ARHGEF40: variants seen among roughly 807,000 people sequenced by gnomAD.
ARHGEF40 encodes Rho guanine nucleotide exchange factor (GEF) 40.
ARHGEF40 carries 98 observed loss-of-function variants against 165.9 expected under a neutral mutation model. The ratio of observed to expected loss-of-function variants is 0.59; its 90% CI spans 0.50 to 0.70. The LOEUF is 0.70. ARHGEF40 is among the 30% of genes least tolerant of loss of function. The probability of loss-of-function intolerance (pLI) is 0.00; values close to 1 mark genes in which losing one functional copy is unlikely to be tolerated. For missense variants in ARHGEF40, 1,815 were observed against 1,968.0 expected, an observed-to-expected ratio of 0.92 and a Z score of 1.47; for synonymous variants, 792 against 814.3, an observed-to-expected ratio of 0.97 and a Z score of 0.47.
chr14:21,086,834 T>C (rs533656376), intron 19 of ARHGEF40, 167 bp from the exon 20 acceptor site: 2 of 592,698 alleles, frequency 3.4e-6, no homozygotes, highest in Admixed American at 3.0e-5. Context: ...CCATCCATGT[T>C]GTGATAGTCA....
upstream of ARHGEF40, among the ~76,000 whole-genome samples, chr14:21,069,515 A>C (rs1215376563): frequency 6.6e-6 from 1 of 152,182 alleles, no homozygotes; most frequent in Non-Finnish European, 1.5e-5. Flanking sequence ...AACTCAGAAA[A>C]TGTCCGGCGA....
In ARHGEF40 at chr14:21,074,756, A is replaced by T; in HGVS notation, c.1026A>T (p.Gly342=). ...CTGAGCCCCCAGCAGAGGCTGTGGG[A>T]GAAGCCTCCGGATCTTGCCCCCTGA... ...EVSEPPAEAV[G]EASGSCPLRP... The change falls in exon 3 of 24, where the codon GGA becomes GGT. Residue 342 remains glycine, a synonymous_variant. Coordinates refer to ENST00000298694, the MANE Select transcript of ARHGEF40 (RefSeq NM_018071.5). The surrounding 1 kb of genome is among the most constrained non-coding windows in gnomAD (Gnocchi z 4.8). 1 of 1,609,804 alleles carries T rather than the reference A, an allele frequency of 6.2e-7. No homozygotes were observed. The highest frequency in any genetic ancestry group is 1.1e-5 in the South Asian group (1 of 90,808).
intron 13 of ARHGEF40, 196 bp downstream of exon 13, chr14:21,081,212 A>G (rs1594569515): frequency 2.2e-6 from 2 of 920,516 alleles, no homozygotes; most frequent in East Asian, 2.7e-5. Context: ...CCATAGATCT[A>G]CCTCACAGGG....
chr14:21,087,831 C>T, intron 21 of ARHGEF40, 137 bp from the exon 22 acceptor site: 1 of 1,193,902 alleles, frequency 8.4e-7, no homozygotes, highest in Non-Finnish European at 1.2e-6. Flanking sequence ...TAGGGGGTTC[C>T]CTTGCAACTG....
Position 21,075,665 on chromosome 14 carries a change from C to T in ARHGEF40, c.1639C>T (p.Arg547Ter), listed in dbSNP as rs1388316393. 5 of 1,613,944 alleles carry T rather than the reference C, an allele frequency of 3.1e-6. No individual in the cohort carries two copies. The highest frequency in any genetic ancestry group is 4.2e-6 in the Non-Finnish European group (5 of 1,179,980). ...TTCAGGAGGGGTGGACCAGAGTGGG[C>T]GAGCTCTGCTGACCATTACCCCACC... ...ILTGGVDQSG[R>*]ALLTITPPCP... The change falls in exon 5 of 24, where the codon CGA (arginine) becomes TGA (stop). Residue 547 changes from arginine (R) to a stop codon, truncating the protein, a stop_gained. Coordinates refer to ENST00000298694, the MANE Select transcript of ARHGEF40 (RefSeq NM_018071.5). LOFTEE classifies it high-confidence loss of function. This position sits in a 1 kb window ranked among gnomAD's most constrained non-coding sequence, Gnocchi z 4.5.
chr14:21,080,822 G>A (rs776488472), intron 12 of ARHGEF40, 40 bp downstream of exon 12: 10 of 1,603,628 alleles, frequency 6.2e-6, no homozygotes. Flanking sequence ...GAGGCAGGGG[G>A]AGACTACCTA....
chr14:21,070,310 G>C lies in ARHGEF40; in HGVS notation c.-87G>C, dbSNP rs1026561734. On this transcript the variant is annotated 5_prime_UTR_variant, in exon 1 of 24. Coordinates refer to ENST00000298694, the MANE Select transcript of ARHGEF40 (RefSeq NM_018071.5). The surrounding 1 kb of genome is among the most constrained non-coding windows in gnomAD (Gnocchi z 4.7). The stretch of plus-strand genomic sequence containing the variant: ...CCGGAGCTGTCCCTTAGCCAGACCC[G>C]GCGAGACACGAGCGGCGGGAGGGAG... 3 of 1,369,636 alleles carry C rather than the reference G, an allele frequency of 2.2e-6. No homozygotes were observed. The highest frequency in any genetic ancestry group is 2.8e-6 in the Non-Finnish European group (3 of 1,060,344). 84.8% of individuals were successfully genotyped at this position (1,369,636 alleles called of 1,614,324 possible). A position where few individuals can be genotyped will look rare whatever the true frequency, so the allele number is the denominator to read the frequency against.
At position 21,082,544 on chromosome 14, in the gene ARHGEF40, C is replaced by T. The variant is rs555286821; in HGVS notation, c.3486+66C>T. 30 of 1,469,862 alleles carry T rather than the reference C, an allele frequency of 2.0e-5. No homozygotes were observed. The South Asian group carries it at 3.9e-4, about 19-fold the overall frequency. The allele number at this position is 1,469,862 out of a possible 1,614,324, so 91.1% of individuals were successfully genotyped here. ...TCTGTTCCAGCCTCATCCATCTGTC[C>T]CTCTTTCTCAGTACCCACGGCCCTC... On this transcript the variant is annotated intron_variant, in intron 15 of 23. Transcript: ENST00000298694.
rs1289651857 is a variant in ARHGEF40, at chr14:21,074,269, A to G, written c.539A>G (p.Glu180Gly). 6.2e-7 allele frequency: 1 copy of G among 1,613,988 alleles called. No individual in the cohort carries two copies. Among genetic ancestry groups the G allele is most frequent in the African/African-American group, 1.3e-5 (1 of 74,926 alleles). Reference sequence around the variant, plus strand: ...GGGATTCAGCGGCTGCCCTGGGCTGAGCTCATCTGTCCACGATTTGTGCAC... The same window carrying G: ...GGGATTCAGCGGCTGCCCTGGGCTGGGCTCATCTGTCCACGATTTGTGCAC... Reference protein sequence around the residue: ...PSGIQRLPWAELICPRFVHKE... With the variant: ...PSGIQRLPWAGLICPRFVHKE... The change falls in exon 3 of 24, where the codon GAG (glutamate) becomes GGG (glycine). Residue 180 changes from glutamate (E) to glycine (G), a missense_variant. Physicochemically the swap from Glu to Gly is moderately conservative, Grantham distance 98. Transcript: ENST00000298694. This position sits in a 1 kb window ranked among gnomAD's most constrained non-coding sequence, Gnocchi z 4.8.
chr14:21,070,798 G>C lies in ARHGEF40; in HGVS notation c.3+399G>C, dbSNP rs746624904. ...TTGGTCCTGCAGCGACCCTGGAAGAGGCCCGGCCCCTCGGGTCATGAGAAC... is the reference window on the plus strand; with the variant it reads ...TTGGTCCTGCAGCGACCCTGGAAGACGCCCGGCCCCTCGGGTCATGAGAAC... On this transcript the variant is annotated intron_variant, in intron 1 of 23. Coordinates refer to ENST00000298694, the MANE Select transcript of ARHGEF40 (RefSeq NM_018071.5). This position sits in a 1 kb window ranked among gnomAD's most constrained non-coding sequence, Gnocchi z 4.7. 4.6e-6 allele frequency: 7 copies of C among 1,535,082 alleles called. No individual in the cohort carries two copies. The South Asian group carries it at 8.3e-5, about 18-fold the overall frequency.
At chr14:21,087,505 T>C (rs1888454560) in intron 21 of ARHGEF40, 42 bp downstream of exon 21, 2 of 1,592,162 alleles carry the variant, frequency 1.3e-6, no homozygotes, top group East Asian at 4.5e-5. Flanking sequence ...AGCTCGGTCA[T>C]GGTGGTGATG....
chr14:21,068,613 A>T (rs565469310), upstream of ARHGEF40, among the ~76,000 whole-genome samples: 14 of 152,218 alleles, frequency 9.2e-5, no homozygotes, highest in Middle Eastern at 6.8e-3. Context: ...CGGAATGGAC[A>T]CCAGGGGGTA....
chr14:21,078,079 C>T (rs1887567716), intron 8 of ARHGEF40, 98 bp from the exon 9 acceptor site: 1 of 1,061,672 alleles, frequency 9.4e-7, no homozygotes, highest in South Asian at 1.8e-5. Flanking sequence ...TCAGCATTGC[C>T]TCCATAAAAG....
intron 10 of ARHGEF40, 86 bp from the exon 11 acceptor site, chr14:21,078,798 A>G (rs965436559): frequency 1.3e-6 from 2 of 1,536,698 alleles, no homozygotes; most frequent in Non-Finnish European, 1.8e-6. Context: ...GCAACCTCTC[A>G]TGTTTGCATC....
chr14:21,083,892 C>G lies in ARHGEF40; in HGVS notation c.3631C>G (p.Leu1211Val). Residue 1211 changes from leucine to valine, a missense_variant, in exon 17 of 24, where the codon CTG becomes GTG. Coordinates refer to ENST00000298694, the MANE Select transcript of ARHGEF40 (RefSeq NM_018071.5). ...AGCCCTGCAGCAGCCTCTGGAACAG[C>G]TGACTCGGTATGGGCGGCTCCTGGA... ...PRALQQPLEQ[L>V]TRYGRLLEEL... 5.0e-6 allele frequency: 8 copies of G among 1,614,106 alleles called. No individual in the cohort carries two copies. Among genetic ancestry groups the G allele is most frequent in the Non-Finnish European group, 6.8e-6 (8 of 1,180,034 alleles).
intron 8 of ARHGEF40, among the ~76,000 whole-genome samples, chr14:21,077,354 A>G (rs1157231282): frequency 1.4e-5 from 2 of 139,054 alleles, no homozygotes; most frequent in African/African-American, 2.7e-5. Flanking sequence ...CCTGGACTCC[A>G]GTGATCCACC....
At chr14:21,078,101 A>T (rs1698797160) in intron 8 of ARHGEF40, 76 bp from the exon 9 acceptor site, 8 of 1,343,340 alleles carry the variant, frequency 6.0e-6, no homozygotes. Flanking sequence ...CTCTGGGGCT[A>T]CCGCACCCCA....
At chr14:21,086,029 G>A in intron 19 of ARHGEF40, 163 bp downstream of exon 19, 2 of 898,164 alleles carry the variant, frequency 2.2e-6, no homozygotes, top group Non-Finnish European at 3.3e-6. Context: ...AAGTAGAAAT[G>A]AGCCTAAGAT....
Position 21,073,381 on chromosome 14 carries a change from T to C in ARHGEF40, c.201+139T>C. 9.9e-7 allele frequency: 1 copy of C among 1,007,304 alleles called. No homozygotes were observed. Among genetic ancestry groups the C allele is most frequent in the Non-Finnish European group, 1.4e-6 (1 of 699,418 alleles). The allele number at this position is 1,007,304 out of a possible 1,614,324, so 62.4% of individuals were successfully genotyped here. A position where few individuals can be genotyped will look rare whatever the true frequency, so the allele number is the denominator to read the frequency against. On this transcript the variant is annotated intron_variant, in intron 2 of 23. Coordinates refer to ENST00000298694, the MANE Select transcript of ARHGEF40 (RefSeq NM_018071.5). This position sits in a 1 kb window ranked among gnomAD's most constrained non-coding sequence, Gnocchi z 4.6. ...CCGATCTCTCCAGAATCACTTAAGC[T>C]TCATTCTCTGACCTCTCACAAACTT...
Sources: gnomAD v4.1 joint callset for allele counts (sites outside exome capture counted in the v4.1 genomes callset) on GRCh38, gnomAD v4.1.1 for gene constraint, Gnocchi (gnomAD v3.1) non-coding constraint, MANE v1.5 for transcripts, NCBI Gene and HGNC (gene_info 2026-07-23, HGNC 2026-07-21) for gene names.